Variants in OLA1 observed in about 807,000 individuals in gnomAD.
The protein encoded by OLA1 is Obg like ATPase 1.
In OLA1, 14 loss-of-function variants were observed where a neutral mutation model predicts 48.4. That is an observed-to-expected ratio of 0.29 (90% CI 0.19 to 0.45). The LOEUF (loss-of-function observed/expected upper bound fraction) is 0.45. Ranked by LOEUF, OLA1 falls within the 20% of genes least tolerant of loss-of-function variation. OLA1 has a pLI of 1.00. For synonymous variants in OLA1, 127 were observed against 150.4 expected (o/e 0.84, Z 1.14); for missense variants, 325 against 467.1 (o/e 0.70, Z 2.80).
At chr2:174,157,952 G>A (rs1027056375) in intron 4 of OLA1, among the ~76,000 whole-genome samples, 1 of 152,250 alleles carries the variant, frequency 6.6e-6, no homozygotes, top group Admixed American at 6.5e-5. Flanking sequence ...TGTAAGAAAG[G>A]ATAAGACCTA....
At chr2:174,107,241 C>G (rs1362446221) in intron 7 of OLA1, among the ~76,000 whole-genome samples, 5 of 152,180 alleles carry the variant, frequency 3.3e-5, no homozygotes, top group Non-Finnish European at 5.9e-5. Flanking sequence ...CTCTTGTCTA[C>G]TGACTCACAT....
intron 4 of OLA1, among the ~76,000 whole-genome samples, chr2:174,189,876 A>AC (rs1242536068): frequency 2.9e-4 from 23 of 80,500 alleles, no homozygotes; most frequent in African/African-American, 6.5e-4. Context: ...AAAAAAAAAA[A>AC]ACAAAACACA....
intron 2 of OLA1, among the ~76,000 whole-genome samples, chr2:174,232,785 C>T (rs1015117267): frequency 2.6e-5 from 4 of 152,078 alleles, no homozygotes; most frequent in African/African-American, 9.7e-5. Flanking sequence ...ATAGACGCTA[C>T]GGAAAACAGT....
chr2:174,110,718 A>T (rs956964779), intron 7 of OLA1, among the ~76,000 whole-genome samples: 5 of 152,132 alleles, frequency 3.3e-5, no homozygotes, highest in African/African-American at 1.2e-4. Context: ...AGTAGCTGGG[A>T]CTATAGGCGC....
chr2:174,082,977 T>C (rs1217676461), intron 7 of OLA1, among the ~76,000 whole-genome samples: 1 of 152,094 alleles, frequency 6.6e-6, no homozygotes, highest in East Asian at 1.9e-4. Context: ...ATAGAGATAA[T>C]AATAGTACAT....
At chr2:174,173,306 T>G (rs62174166) in intron 4 of OLA1, among the ~76,000 whole-genome samples, 4,676 of 141,764 alleles carry the variant, frequency 0.033, 88 homozygotes, top group Non-Finnish European at 0.048. Flanking sequence ...AACAAAATAT[T>G]GGAGCTGAAG....
At chr2:174,160,547 T>G (rs16862442) in intron 4 of OLA1, among the ~76,000 whole-genome samples, 11 of 152,094 alleles carry the variant, frequency 7.2e-5, no homozygotes, top group African/African-American at 2.4e-4. Context: ...TCTTTAAAGA[T>G]GAATACTTCC....
At chr2:174,229,004 G>A (rs1047819768) in intron 3 of OLA1, among the ~76,000 whole-genome samples, 4 of 152,098 alleles carry the variant, frequency 2.6e-5, no homozygotes, top group African/African-American at 9.7e-5. Flanking sequence ...AGCCTCCCAA[G>A]TAGCTGGGAT....
intron 7 of OLA1, among the ~76,000 whole-genome samples, chr2:174,101,329 AG>A: frequency 6.6e-6 from 1 of 152,188 alleles, no homozygotes; most frequent in South Asian, 2.1e-4. Context: ...TATATGTTCA[AG>A]TCTTGCTGAT....
At chr2:174,160,519 T>C (rs1410753808) in intron 4 of OLA1, among the ~76,000 whole-genome samples, 2 of 152,106 alleles carry the variant, frequency 1.3e-5, no homozygotes, top group African/African-American at 4.8e-5. Flanking sequence ...CCAAAATAAA[T>C]GAACAGAGAA....
At chr2:174,091,390 G>C (rs1036542256) in intron 7 of OLA1, among the ~76,000 whole-genome samples, 1 of 150,156 alleles carries the variant, frequency 6.7e-6, no homozygotes, top group Non-Finnish European at 1.5e-5. Flanking sequence ...TTCTGCATAA[G>C]ATTTTATCTG....
Position 174,168,779 on chromosome 2 carries a change from ATCT to A in OLA1, c.374-26782_374-26780del, listed in dbSNP as rs1241710845. On this transcript the variant is annotated intron_variant, in intron 4 of 10. Transcript: ENST00000284719. ...TATCTATCTATCTATCTATCTATCT[ATCT>A]ATCTATCTATCTATCTATCTAGATA... 9.9e-5 allele frequency among the ~76,000 whole-genome samples: 15 copies of A among 151,448 alleles called. No individual in the cohort carries two copies. The East Asian group carries it at 2.9e-3, about 29-fold the overall frequency.
chr2:174,210,859 C>T (rs571162448), intron 4 of OLA1, among the ~76,000 whole-genome samples: 61 of 152,276 alleles, frequency 4.0e-4, no homozygotes, highest in African/African-American at 1.4e-3. Context: ...GGCTGTGCTT[C>T]TTCCTCTATC....
intron 4 of OLA1, among the ~76,000 whole-genome samples, chr2:174,187,427 C>T (rs1687680224): frequency 6.6e-6 from 1 of 152,222 alleles, no homozygotes; most frequent in South Asian, 2.1e-4. Flanking sequence ...CAAAAGCTTG[C>T]ATCCTTGCTA....
At chr2:174,234,723 T>G (rs1338827689) in intron 2 of OLA1, among the ~76,000 whole-genome samples, 1 of 152,000 alleles carries the variant, frequency 6.6e-6, no homozygotes, top group Admixed American at 6.6e-5. Flanking sequence ...TTCAGCCTCG[T>G]AAAGTGCTGG....
At chr2:174,171,486 T>C (rs1327361204) in intron 4 of OLA1, among the ~76,000 whole-genome samples, 1 of 151,948 alleles carries the variant, frequency 6.6e-6, no homozygotes, top group East Asian at 1.9e-4. Context: ...AAGCTCCAAA[T>C]ACTTGGAAAT....
intron 7 of OLA1, among the ~76,000 whole-genome samples, chr2:174,090,217 T>A (rs1685083484): frequency 6.6e-6 from 1 of 152,140 alleles, no homozygotes. Context: ...TTGCAGCATA[T>A]AAAAATTGGA....
At chr2:174,168,773 C>T (rs1191567098) in intron 4 of OLA1, among the ~76,000 whole-genome samples, 1 of 122,634 alleles carries the variant, frequency 8.2e-6, no homozygotes, top group Non-Finnish European at 1.7e-5. Flanking sequence ...ATCTATCTAT[C>T]TATCTATCTA....
chr2:174,129,859 C>T (rs905983905), intron 5 of OLA1, among the ~76,000 whole-genome samples: 1 of 152,130 alleles, frequency 6.6e-6, no homozygotes, highest in African/African-American at 2.4e-5. Context: ...GGGTGACTCA[C>T]TCTTATTCTG....
Sources: allele counts gnomAD v4.1 joint callset (sites outside exome capture counted in the v4.1 genomes callset), GRCh38; gene constraint gnomAD v4.1.1; transcripts MANE v1.5; gene names NCBI Gene and HGNC (gene_info 2026-07-23, HGNC 2026-07-21).